SYNPO: variants seen among roughly 807,000 people sequenced by gnomAD.
SYNPO encodes the protein synaptopodin.
A neutral mutation model predicts 49.5 loss-of-function variants in SYNPO; 19 were observed. The ratio of observed to expected loss-of-function variants is 0.38; its 90% CI spans 0.27 to 0.56. SYNPO has a LOEUF of 0.56. Ranked by LOEUF, SYNPO falls within the 20% of genes least tolerant of loss-of-function variation. SYNPO has a pLI of 0.68. For synonymous variants in SYNPO, 536 were observed against 548.0 expected (o/e 0.98, Z 0.31); for missense variants, 1,131 against 1,248.3 (o/e 0.91, Z 1.42).
chr5:150,650,796 CTG>C, intron 2 of SYNPO: 1 of 1,291,876 alleles, frequency 7.7e-7, no homozygotes, highest in Admixed American at 3.7e-5. Context: ...GGCCTCCCTC[CTG>C]AGGCTCAAGC....
At chr5:150,602,633 T>G (rs1756574083) in intron 1 of SYNPO, among the ~76,000 whole-genome samples, 1 of 152,180 alleles carries the variant, frequency 6.6e-6, no homozygotes, top group Non-Finnish European at 1.5e-5. Flanking sequence ...TTATTTTATT[T>G]TTTTAGAGAC....
intron 1 of SYNPO, among the ~76,000 whole-genome samples, chr5:150,612,771 G>C (rs78808396): frequency 0.011 from 1,728 of 152,184 alleles, 33 homozygotes; most frequent in African/African-American, 0.039. Flanking sequence ...TTTGTGTTTT[G>C]TTCTTCTTTT....
intron 2 of SYNPO, among the ~76,000 whole-genome samples, chr5:150,624,022 ACT>A (rs1396573733): frequency 6.6e-6 from 1 of 152,166 alleles, no homozygotes; most frequent in Non-Finnish European, 1.5e-5. Context: ...ATCCCACGTG[ACT>A]CTGATGTACA....
chr5:150,587,723 T>A, the SYNPO span, among the ~76,000 whole-genome samples: 1 of 152,178 alleles, frequency 6.6e-6, no homozygotes, highest in Admixed American at 6.5e-5. Flanking sequence ...AGAAGTGAAA[T>A]CGATGTGTCC....
At position 150,657,308 on chromosome 5, in the gene SYNPO, C is replaced by T. The variant is rs895630342; in HGVS notation, c.*221C>T. Reference sequence around the variant, plus strand: ...CTGGGTAAGACCCTTCCTTGTTTGACCCTCAGCTTTCCCATCTGTTTAATG... The same window carrying T: ...CTGGGTAAGACCCTTCCTTGTTTGATCCTCAGCTTTCCCATCTGTTTAATG... On this transcript the variant is annotated 3_prime_UTR_variant, in exon 3 of 3. Transcript: ENST00000307662. The T allele has an allele frequency of 6.9e-6, 4 of 583,158 alleles. No homozygotes were observed. The East Asian group carries it at 1.2e-4, about 17-fold the overall frequency. The allele number at this position is 583,158 out of a possible 1,614,324, so 36.1% of individuals were successfully genotyped here.
chr5:150,598,402 A>G (rs1443689623), upstream of SYNPO, among the ~76,000 whole-genome samples: 1 of 152,206 alleles, frequency 6.6e-6, no homozygotes, highest in Non-Finnish European at 1.5e-5. Flanking sequence ...GTAGCAGGTT[A>G]TACTCGTAGG....
intron 1 of SYNPO, among the ~76,000 whole-genome samples, chr5:150,644,653 A>G (rs1313341147): frequency 6.6e-6 from 1 of 152,184 alleles, no homozygotes; most frequent in Non-Finnish European, 1.5e-5. Flanking sequence ...AGGTACAGTA[A>G]CTTGCCAAGG....
intron 2 of SYNPO, among the ~76,000 whole-genome samples, chr5:150,631,797 G>A (rs987051226): frequency 1.3e-5 from 2 of 152,178 alleles, no homozygotes; most frequent in Admixed American, 6.5e-5. Context: ...TCTTCAAGGA[G>A]GGTTATGGAG....
chr5:150,597,435 G>A (rs546064876), upstream of SYNPO, among the ~76,000 whole-genome samples: 11 of 152,298 alleles, frequency 7.2e-5, no homozygotes, highest in South Asian at 1.9e-3. Context: ...AGGTTCAAGC[G>A]ATTCTCCTGC....
chr5:150,613,639 A>G (rs927530897), intron 1 of SYNPO, among the ~76,000 whole-genome samples: 1 of 152,208 alleles, frequency 6.6e-6, no homozygotes, highest in Non-Finnish European at 1.5e-5. Flanking sequence ...TATAGGATGG[A>G]AACAGGAAGA....
intron 2 of SYNPO, chr5:150,624,678 C>T (rs535834225): frequency 8.1e-6 from 2 of 247,842 alleles, no homozygotes; most frequent in African/African-American, 2.3e-5. Flanking sequence ...GAGCACGGCT[C>T]ACCCGCCCGC....
intron 2 of SYNPO, 97 bp from the exon 3 acceptor site, chr5:150,656,307 C>A (rs1758547786): frequency 2.9e-6 from 3 of 1,021,906 alleles, no homozygotes; most frequent in Non-Finnish European, 2.8e-6. Context: ...CTTCCCTTCT[C>A]GGTGTAATGG....
intron 1 of SYNPO, among the ~76,000 whole-genome samples, chr5:150,614,045 C>A (rs754676545): frequency 6.6e-6 from 1 of 152,118 alleles, no homozygotes; most frequent in Non-Finnish European, 1.5e-5. Context: ...GCTCACCAAG[C>A]GTCTGTAGAG....
intron 2 of SYNPO, among the ~76,000 whole-genome samples, chr5:150,626,335 TAGG>T (rs1757357231): frequency 6.6e-6 from 1 of 152,192 alleles, no homozygotes; most frequent in East Asian, 1.9e-4. Flanking sequence ...TCTGTCTCCT[TAGG>T]AGATCTTGGT....
intron 2 of SYNPO, among the ~76,000 whole-genome samples, chr5:150,629,589 G>A (rs1757472651): frequency 1.3e-5 from 2 of 152,276 alleles, no homozygotes; most frequent in South Asian, 4.2e-4. Context: ...GAAGGGGCAG[G>A]CTGGATGAGC....
chr5:150,587,305 G>A, the SYNPO span, among the ~76,000 whole-genome samples: 1 of 151,996 alleles, frequency 6.6e-6, no homozygotes, highest in African/African-American at 2.4e-5. Context: ...GATGATGCAT[G>A]TATGTGTATG....
the SYNPO span, among the ~76,000 whole-genome samples, chr5:150,588,790 G>T: frequency 1.2e-3 from 188 of 151,882 alleles, no homozygotes; most frequent in Admixed American, 2.5e-3. Context: ...TTTTTTAAAG[G>T]TGTTCACACT....
At chr5:150,620,899 C>CCCTTTCTT (rs1554108180) in intron 2 of SYNPO, among the ~76,000 whole-genome samples, 1 of 108,864 alleles carries the variant, frequency 9.2e-6, no homozygotes, top group Non-Finnish European at 1.8e-5. Flanking sequence ...TTCTTTTTTT[C>CCCTTTCTT]TCTTTCTTTC....
upstream of SYNPO, among the ~76,000 whole-genome samples, chr5:150,600,719 C>G (rs1756506210): frequency 6.6e-6 from 1 of 152,026 alleles, no homozygotes; most frequent in African/African-American, 2.4e-5. Context: ...AAAGGGAGCC[C>G]CGAGTCCTCC....
Sources: gnomAD v4.1 joint callset for allele counts (sites outside exome capture counted in the v4.1 genomes callset) on GRCh38, gnomAD v4.1.1 for gene constraint, MANE v1.5 for transcripts, NCBI Gene and HGNC (gene_info 2026-07-23, HGNC 2026-07-21) for gene names.